The following MAP4 variants were observed in gnomAD, a reference collection of about 807,000 sequenced individuals.
MAP4 encodes microtubule associated protein 4.
Under a neutral mutation model 170.2 loss-of-function variants are expected in MAP4, and 76 were observed. The observed-to-expected ratio is 0.45, with a 90% confidence interval of 0.37 to 0.54. The LOEUF is 0.54. Among genes scored for constraint, MAP4 ranks in the 20% least tolerant of loss-of-function variants. The pLI is 0.00. For missense variants in MAP4, 2,506 were observed against 2,748.0 expected (o/e 0.91, Z 1.97); for synonymous variants, 909 against 994.5 (o/e 0.91, Z 1.62).
chr3:47,931,114 C>T (rs1369495678), intron 3 of MAP4, among the ~76,000 whole-genome samples: 1 of 152,032 alleles, frequency 6.6e-6, no homozygotes, highest in Non-Finnish European at 1.5e-5. Context: ...ATGGTTCATG[C>T]CTGTAATCCC....
At chr3:47,948,686 A>G (rs2100061706) in intron 3 of MAP4, among the ~76,000 whole-genome samples, 1 of 152,044 alleles carries the variant, frequency 6.6e-6, no homozygotes, top group South Asian at 2.1e-4. Context: ...CAGTGGCGCA[A>G]TCTCGGCTCA....
At position 47,911,016 on chromosome 3, in the gene MAP4, C is replaced by G. The variant is rs1486934532; in HGVS notation, c.3405G>C (p.Glu1135Asp). Residue 1135 changes from glutamate to aspartate, a missense_variant, in exon 9 of 21, where the codon GAG becomes GAC. Transcript: ENST00000683076. The surrounding 1 kb of genome is among the most constrained non-coding windows in gnomAD (Gnocchi z 4.0). Reference sequence around the variant, plus strand: ...CTTTAGGCTCCCCCATCACCACTGCCTCCGTGAGATCAGCCTTAGTGCCTG... The same window carrying G: ...CTTTAGGCTCCCCCATCACCACTGCGTCCGTGAGATCAGCCTTAGTGCCTG... Reference protein sequence around the residue: ...KQPGTKADLTEAVVMGEPKEM... With the variant: ...KQPGTKADLTDAVVMGEPKEM... The G allele has an allele frequency of 6.5e-7, 1 of 1,536,244 alleles. No individual in the cohort carries two copies. The highest frequency in any genetic ancestry group is 1.2e-5 in the South Asian group (1 of 84,068).
At chr3:48,015,426 G>A (rs1381352651) in intron 1 of MAP4, among the ~76,000 whole-genome samples, 3 of 152,148 alleles carry the variant, frequency 2.0e-5, no homozygotes, top group Non-Finnish European at 4.4e-5. Context: ...TAGGACATTA[G>A]TGAGAATGCT....
intron 3 of MAP4, chr3:47,973,306 T>A: frequency 1.0e-6 from 1 of 984,492 alleles, no homozygotes; most frequent in African/African-American, 1.8e-5. Flanking sequence ...CATATGAAAA[T>A]CATCACATTT....
Position 47,875,711 on chromosome 3 carries a change from A to C in MAP4, c.5731T>G (p.Leu1911Val). The C allele has an allele frequency of 1.2e-6, 2 of 1,613,288 alleles. No homozygotes were observed. The highest frequency in any genetic ancestry group is 1.7e-6 in the Non-Finnish European group (2 of 1,179,982). ...PAVASARPSI[L>V]PSKDVKPKPI... ...TTTGGCTTCACGTCTTTTGAAGGTA[A>C]GATGGAAGGCCTGGCAGAGGCGACG... The change falls in exon 12 of 21, where the codon TTA becomes GTA. Residue 1911 changes from leucine to valine, a missense_variant. This residue lies in a region of MAP4 where 487 missense variants were observed against 511.6 expected (regional missense o/e 0.95). Transcript: ENST00000683076.
chr3:47,946,760 A>G (rs1401390814), intron 3 of MAP4, among the ~76,000 whole-genome samples: 3 of 152,206 alleles, frequency 2.0e-5, no homozygotes, highest in African/African-American at 7.2e-5. Context: ...GATATACAAA[A>G]CAGGAATTCC....
At chr3:47,947,340 A>G (rs2100060722) in intron 3 of MAP4, among the ~76,000 whole-genome samples, 1 of 152,110 alleles carries the variant, frequency 6.6e-6, no homozygotes, top group Admixed American at 6.5e-5. Flanking sequence ...CTTGTGGCCC[A>G]ATCTCCTACC....
intron 13 of MAP4, 43 bp downstream of exon 13, chr3:47,871,871 CATT>C: frequency 6.4e-7 from 1 of 1,551,706 alleles, no homozygotes. Context: ...GCCAAGATCC[CATT>C]TTCCCCTCCC....
At chr3:48,079,903 T>G (rs1242616617) in intron 1 of MAP4, among the ~76,000 whole-genome samples, 5 of 150,258 alleles carry the variant, frequency 3.3e-5, no homozygotes, top group Non-Finnish European at 5.9e-5. Context: ...TGAGCCGAGA[T>G]AGTGCCACTA....
intron 10 of MAP4, among the ~76,000 whole-genome samples, chr3:47,889,186 G>A (rs2098166906): frequency 2.0e-5 from 3 of 152,226 alleles, no homozygotes; most frequent in African/African-American, 7.2e-5. Context: ...GAGGTCCCAA[G>A]AGAGATATAC....
chr3:48,088,232 C>G (rs1234768511), intron 1 of MAP4, among the ~76,000 whole-genome samples: 4 of 151,220 alleles, frequency 2.6e-5, no homozygotes, highest in Non-Finnish European at 4.4e-5. Context: ...CGCTTTAGTC[C>G]CCACACAGTG....
chr3:48,047,901 T>TA (rs372019714), intron 1 of MAP4, among the ~76,000 whole-genome samples: 1 of 152,190 alleles, frequency 6.6e-6, no homozygotes, highest in African/African-American at 2.4e-5. Context: ...GCTGGTTCTT[T>TA]AAAAAACACA....
At position 47,909,506 on chromosome 3, in the gene MAP4, G is replaced by T. The variant is rs2100034856; in HGVS notation, c.4915C>A (p.Gln1639Lys). ...TTGGAATTTCTATCTTGAGCATTTT[G>T]GTCCTCACAAAAACTGAGCTTTTGT... Reference protein sequence around the residue: ...KAQKLSFCEDQNAQDRNSKGS... With the variant: ...KAQKLSFCEDKNAQDRNSKGS... The change falls in exon 9 of 21, where the codon CAA (glutamine) becomes AAA (lysine). Residue 1639 changes from glutamine (Q) to lysine (K), a missense_variant. Gln to Lys is a moderately conservative substitution (Grantham distance 53). Transcript: ENST00000683076. 6.2e-7 allele frequency: 1 copy of T among 1,613,338 alleles called. No individual in the cohort carries two copies. The highest frequency in any genetic ancestry group is 1.1e-5 in the South Asian group (1 of 91,064).
rs1410816871 is a variant in MAP4 at position 47,912,076 on chromosome 3, T to A, written c.2345A>T (p.Gln782Leu). 6.5e-7 allele frequency: 1 copy of A among 1,535,976 alleles called. No homozygotes were observed. Among genetic ancestry groups the A allele is most frequent in the African/African-American group, 1.4e-5 (1 of 73,062 alleles). Reference sequence around the variant, plus strand: ...ATCCGAAGGTCCTCCAGCCCGTGGTTGAGAATATCTCTTTTGCTTTGGTTT... The same window carrying A: ...ATCCGAAGGTCCTCCAGCCCGTGGTAGAGAATATCTCTTTTGCTTTGGTTT... ...KKKPKQKRYS[Q>L]PRAGGPSDDD... The change falls in exon 9 of 21, where the codon CAA (glutamine) becomes CTA (leucine). Residue 782 changes from glutamine to leucine, a missense_variant. Coordinates refer to ENST00000683076, the MANE Select transcript of MAP4 (RefSeq NM_001385682.1).
rs188882871 is a variant in MAP4, at chr3:48,066,108, T to C, written c.-20+22665A>G. Among the ~76,000 whole-genome samples the C allele has an allele frequency of 1.4e-4, 22 of 152,242 alleles. No individual in the cohort carries two copies. The East Asian group carries it at 4.0e-3, about 28-fold the overall frequency. ...AATATATACCTATATAGTATATCCGTAGAAGTTTTCTGGGGACAGGGTCTT... is the reference window on the plus strand; with the variant it reads ...AATATATACCTATATAGTATATCCGCAGAAGTTTTCTGGGGACAGGGTCTT... On this transcript the variant is annotated intron_variant, in intron 1 of 18. Transcript: ENST00000360240.
chr3:48,008,014 G>A (rs2100103317), intron 1 of MAP4, among the ~76,000 whole-genome samples: 1 of 152,136 alleles, frequency 6.6e-6, no homozygotes, highest in South Asian at 2.1e-4. Flanking sequence ...TTGAATGTTT[G>A]ACTATGGGTC....
intron 3 of MAP4, among the ~76,000 whole-genome samples, chr3:47,976,209 C>T (rs773355148): frequency 1.3e-5 from 2 of 152,180 alleles, no homozygotes; most frequent in Admixed American, 6.5e-5. Context: ...CTCATAATGC[C>T]ACTGGGTAGT....
Position 47,973,222 on chromosome 3 carries a change from T to A in MAP4, c.292+4643A>T, listed in dbSNP as rs561937773. The A allele has an allele frequency of 4.2e-3, 4,175 of 982,442 alleles. 12 individuals are homozygous for A. Among genetic ancestry groups the A allele is most frequent in the Non-Finnish European group, 4.9e-3 (4,054 of 827,834 alleles). 60.9% of individuals were successfully genotyped at this position (982,442 alleles called of 1,614,324 possible). A position where few individuals can be genotyped will look rare whatever the true frequency, so the allele number is the denominator to read the frequency against. ...CGAATGAAATTATAAAAACATTATT[T>A]AAAAACAAAGTTCTACATCTTCAAC... On this transcript the variant is annotated intron_variant, in intron 3 of 20. Transcript: ENST00000683076.
chr3:47,863,763 T>G (rs925891588), intron 17 of MAP4, among the ~76,000 whole-genome samples: 3 of 151,226 alleles, frequency 2.0e-5, no homozygotes, highest in African/African-American at 7.3e-5. Context: ...GGCTCATCAC[T>G]CCCCTCCCTC....
Sources: allele counts gnomAD v4.1 joint callset (sites outside exome capture counted in the v4.1 genomes callset), GRCh38; gene constraint gnomAD v4.1.1; regional missense constraint gnomAD v4.1.1; non-coding constraint Gnocchi (gnomAD v3.1); transcripts MANE v1.5; gene names NCBI Gene and HGNC (gene_info 2026-07-23, HGNC 2026-07-21).